Variants in DNAAF4 observed in about 807,000 individuals in gnomAD.
DNAAF4 encodes dynein axonemal assembly factor 4, also known as dynein assembly factor 4, axonemal.
A neutral mutation model predicts 51.8 loss-of-function variants in DNAAF4; 43 were observed. That is an observed-to-expected ratio of 0.83 (90% confidence interval 0.65 to 1.07). The LOEUF is 1.07. Ranked by LOEUF, DNAAF4 falls within the 50% of genes least tolerant of loss-of-function variation. DNAAF4 has a pLI of 0.00. For synonymous variants in DNAAF4, 194 were observed against 165.6 expected (o/e 1.17, Z -1.32); for missense variants, 581 against 493.0 (o/e 1.18, Z -1.69).
chr15:55,478,006 CAGTT>C (rs952339261), intron 4 of DNAAF4, among the ~76,000 whole-genome samples: 1 of 152,156 alleles, frequency 6.6e-6, no homozygotes, highest in Middle Eastern at 3.2e-3. Flanking sequence ...GGAGCTCAGT[CAGTT>C]AAGACTCTAG....
chr15:55,471,234 G>GT (rs2058250796), intron 4 of DNAAF4, among the ~76,000 whole-genome samples: 1 of 152,162 alleles, frequency 6.6e-6, no homozygotes, highest in Admixed American at 6.6e-5. Context: ...CAGACAACTA[G>GT]TCATAGCTTG....
intron 5 of DNAAF4, among the ~76,000 whole-genome samples, chr15:55,461,047 G>A (rs2058087521): frequency 6.6e-6 from 1 of 151,690 alleles, no homozygotes; most frequent in Non-Finnish European, 1.5e-5. Context: ...TTACAGGCAT[G>A]AGCCACTGCG....
intron 4 of DNAAF4, among the ~76,000 whole-genome samples, chr15:55,482,072 G>A (rs2141558234): frequency 6.6e-6 from 1 of 152,332 alleles, no homozygotes; most frequent in East Asian, 1.9e-4. Flanking sequence ...ACACTCTGTG[G>A]AGTGTACTTT....
At chr15:55,424,947 C>T (rs927530651) in intron 7 of DNAAF4, among the ~76,000 whole-genome samples, 5 of 151,830 alleles carry the variant, frequency 3.3e-5, no homozygotes, top group Non-Finnish European at 5.9e-5. Context: ...CTCACCACAA[C>T]CGTCACCTCC....
At chr15:55,430,897 C>T (rs1372171839) in intron 9 of DNAAF4, 118 bp from the exon 10 acceptor site, 3 of 764,290 alleles carry the variant, frequency 3.9e-6, no homozygotes, top group South Asian at 2.0e-5. Flanking sequence ...AGAACAAGTA[C>T]CAAGTTTTAA....
intron 4 of DNAAF4, among the ~76,000 whole-genome samples, chr15:55,481,825 G>A (rs1171064926): frequency 6.6e-6 from 1 of 152,170 alleles, no homozygotes; most frequent in Non-Finnish European, 1.5e-5. Flanking sequence ...TCCATGCCAA[G>A]GGCCAGAGGC....
chr15:55,440,747 T>A (rs1276247515), intron 6 of DNAAF4, among the ~76,000 whole-genome samples: 4 of 151,344 alleles, frequency 2.6e-5, no homozygotes. Flanking sequence ...AGTAGCACAA[T>A]CTCGGTTCAC....
chr15:55,477,663 T>C (rs1595936483), intron 4 of DNAAF4, among the ~76,000 whole-genome samples: 1 of 16,168 alleles, frequency 6.2e-5, no homozygotes, highest in East Asian at 2.1e-3. Flanking sequence ...TGTGTGTGTA[T>C]ATATATATAT....
Position 55,498,442 on chromosome 15 carries a change from C to T in DNAAF4, c.-113G>A, listed in dbSNP as rs1034489973. 11 of 1,461,566 alleles carry T rather than the reference C, an allele frequency of 7.5e-6. No homozygotes were observed. The highest frequency in any genetic ancestry group is 4.9e-5 in the East Asian group (2 of 40,944). The allele number at this position is 1,461,566 out of a possible 1,614,324, so 90.5% of individuals were successfully genotyped here. ...CCTTCCGGGTCAGGCCGGCCGGGAG[C>T]CCGGCGTTCCCAGCGTGCTCCGGCG... is the stretch of plus-strand genomic sequence containing the variant. On this transcript the variant is annotated 5_prime_UTR_variant, in exon 2 of 10. Coordinates refer to ENST00000321149, the MANE Select transcript of DNAAF4 (RefSeq NM_130810.4).
chr15:55,448,804 A>G (rs1308444068), intron 6 of DNAAF4, among the ~76,000 whole-genome samples: 1 of 151,374 alleles, frequency 6.6e-6, no homozygotes, highest in Non-Finnish European at 1.5e-5. Flanking sequence ...CAGGAGGTGG[A>G]GCTTGCAGTG....
chr15:55,471,121 A>G (rs1172523905), intron 4 of DNAAF4, among the ~76,000 whole-genome samples: 1 of 152,090 alleles, frequency 6.6e-6, no homozygotes, highest in Admixed American at 6.6e-5. Context: ...TCGGCCTCCC[A>G]AAGTGCTGGA....
At chr15:55,472,755 T>C (rs1567023021) in intron 4 of DNAAF4, among the ~76,000 whole-genome samples, 1 of 152,228 alleles carries the variant, frequency 6.6e-6, no homozygotes, top group Non-Finnish European at 1.5e-5. Flanking sequence ...CACTAAATTT[T>C]TGAAGAAGAG....
At chr15:55,503,746 A>G (rs2141613567) in intron 1 of DNAAF4, among the ~76,000 whole-genome samples, 1 of 152,322 alleles carries the variant, frequency 6.6e-6, no homozygotes, top group South Asian at 2.1e-4. Flanking sequence ...AAAAACTCTC[A>G]ATAAACTAGG....
rs1458455221 is a variant in DNAAF4, at chr15:55,439,537, G to C, written c.828C>G (p.Asp276Glu). ...CTTTTAAATCGCAAAGTTCAGCTAT[G>C]TCAGTATTCATTGCTCTTCGTGCCT... ...QAEARRAMNTDIAELCDLKEE... is the reference protein window; with the variant it reads ...QAEARRAMNTEIAELCDLKEE... The change falls in exon 7 of 10, where the codon GAC (aspartate) becomes GAG (glutamate). Residue 276 changes from aspartate (D) to glutamate (E), a missense_variant. Physicochemically the swap from Asp to Glu is conservative, Grantham distance 45 (BLOSUM62 2). Transcript: ENST00000321149. 4 of 1,614,074 alleles carry C rather than the reference G, an allele frequency of 2.5e-6. No individual in the cohort carries two copies. The South Asian group carries it at 4.4e-5, about 18-fold the overall frequency.
At chr15:55,500,924 A>C (rs2058693555) in intron 1 of DNAAF4, among the ~76,000 whole-genome samples, 2 of 147,318 alleles carry the variant, frequency 1.4e-5, no homozygotes, top group African/African-American at 2.5e-5. Flanking sequence ...CCCAGGAGGC[A>C]GAGGTTGCCA....
chr15:55,421,112 C>T (rs1202971330), intron 7 of DNAAF4, among the ~76,000 whole-genome samples: 1 of 150,864 alleles, frequency 6.6e-6, no homozygotes, highest in Non-Finnish European at 1.5e-5. Context: ...ATCGCTTGAA[C>T]CCAGGAGGCA....
rs868466449 is a variant in DNAAF4, at chr15:55,434,827, C to A, written c.1047+78G>T. 37 of 1,162,808 alleles carry A rather than the reference C, an allele frequency of 3.2e-5. 3 individuals carry two copies. In the Middle Eastern group the frequency reaches 2.3e-3, roughly 72 times the overall value. 72.0% of individuals were successfully genotyped at this position (1,162,808 alleles called of 1,614,324 possible). On this transcript the variant is annotated intron_variant, in intron 8 of 9. Transcript: ENST00000321149. ...TTGCATCTCAATTATTTCAACTGAA[C>A]AGAAAAAGATCATCATTTAAACCAA...
Position 55,450,315 on chromosome 15 carries a change from A to G in DNAAF4, c.690T>C (p.Pro230=), listed in dbSNP as rs2057913697. 6.2e-7 allele frequency: 1 copy of G among 1,613,878 alleles called. No individual in the cohort carries two copies. The highest frequency in any genetic ancestry group is 8.5e-7 in the Non-Finnish European group (1 of 1,180,014). ...FTEKLKEDSI[P]APRSVGSIKI... ...TAATACTGCCAACAGAGCGAGGAGC[A>G]GGAATACTGTCTTCCTTTAACTTCT... Residue 230 remains proline, a synonymous_variant, in exon 6 of 10, where the codon CCT becomes CCC. Transcript: ENST00000321149.
At chr15:55,480,266 T>C (rs1337735509) in intron 4 of DNAAF4, among the ~76,000 whole-genome samples, 4 of 152,128 alleles carry the variant, frequency 2.6e-5, no homozygotes, top group Admixed American at 6.6e-5. Flanking sequence ...TGTCTCTCTT[T>C]ATTTCTCAGC....
Sources: gnomAD v4.1 joint callset for allele counts (sites outside exome capture counted in the v4.1 genomes callset) on GRCh38, gnomAD v4.1.1 for gene constraint, MANE v1.5 for transcripts, NCBI Gene and HGNC (gene_info 2026-07-23, HGNC 2026-07-21) for gene names.